Variants in FAM171A2 observed in about 807,000 individuals in gnomAD.
FAM171A2 encodes the protein family with sequence similarity 171 member A2, also known as protein FAM171A2.
A neutral mutation model predicts 34.2 loss-of-function variants in FAM171A2; 13 were observed. The ratio of observed to expected loss-of-function variants is 0.38; its 90% CI spans 0.25 to 0.60. The LOEUF (loss-of-function observed/expected upper bound fraction) is 0.60, where lower values mean the gene tolerates loss of function less well. Ranked by LOEUF, FAM171A2 falls within the 20% of genes least tolerant of loss-of-function variation. FAM171A2 has a pLI of 0.62. For missense variants in FAM171A2, 950 were observed against 1,180.7 expected (o/e 0.80, Z 2.86); for synonymous variants, 475 against 561.2 (o/e 0.85, Z 2.17).
Position 44,353,635 on chromosome 17 carries a change from G to A in FAM171A2, c.*98C>T. 2 of 969,710 alleles carry A rather than the reference G, an allele frequency of 2.1e-6. No homozygotes were observed. The highest frequency in any genetic ancestry group is 4.9e-5 in the South Asian group (1 of 20,332). 60.1% of individuals were successfully genotyped at this position (969,710 alleles called of 1,614,324 possible). A position where few individuals can be genotyped will look rare whatever the true frequency, so the allele number is the denominator to read the frequency against. ...GCCCCTGGGCCCCTCTCCGGCCTGG[G>A]GCTGGGAGCTACGCGCGAGGGCCCC... On this transcript the variant is annotated 3_prime_UTR_variant, in exon 8 of 8. Transcript: ENST00000293443.
In FAM171A2 at chr17:44,359,918, A is replaced by C; in HGVS notation, c.333T>G (p.Val111=). 1 of 1,539,922 alleles carries C rather than the reference A, an allele frequency of 6.5e-7. No homozygotes were observed. The highest frequency in any genetic ancestry group is 8.8e-7 in the Non-Finnish European group (1 of 1,139,654). ...GFLTNSVPWR[V]DKLPLYASVS... is the part of the protein sequence containing the mutation. The stretch of plus-strand genomic sequence containing the variant: ...CCCTGCACTCACAGGGCAGCTTGTC[A>C]ACACGCCAGGGCACAGAGTTGGTGA... Residue 111 remains valine (V), a synonymous_variant, in exon 2 of 8, where the codon GTT becomes GTG. Coordinates refer to ENST00000293443, the MANE Select transcript of FAM171A2 (RefSeq NM_198475.3).
chr17:44,355,668 G>C lies in FAM171A2; in HGVS notation c.1022+47C>G. The C allele has an allele frequency of 6.5e-7, 1 of 1,548,806 alleles. No individual in the cohort carries two copies. The highest frequency in any genetic ancestry group is 8.7e-7 in the Non-Finnish European group (1 of 1,145,324). On this transcript the variant is annotated intron_variant, in intron 7 of 7. Transcript: ENST00000293443. This position sits in a 1 kb window ranked among gnomAD's most constrained non-coding sequence, Gnocchi z 4.1. ...GATTTTATGCATCTTTGGGGCCCCA[G>C]GGCCCGGTACAAGTGCAGGGGAGGG...
At chr17:44,357,730 C>CATGTGTGTGTGTGTGTGTGTGT (rs142224027) in intron 3 of FAM171A2, among the ~76,000 whole-genome samples, 4 of 143,268 alleles carry the variant, frequency 2.8e-5, no homozygotes, top group African/African-American at 1.1e-4. Flanking sequence ...CAGTTTAGGT[C>CATGTGTGTGTGTGTGTGTGTGT]GTGTGTGTGT....
In FAM171A2 at chr17:44,354,718, A is replaced by G; in HGVS notation, c.1496T>C (p.Leu499Pro). ...GAAEGKTPDFLLSQSVDQLAR... is the reference protein window; with the variant it reads ...GAAEGKTPDFPLSQSVDQLAR... ...CAGCTGGTCCACCGACTGCGACAGC[A>G]GGAAGTCGGGGGTCTTGCCCTCGGC... is the stretch of plus-strand genomic sequence containing the variant. The change falls in exon 8 of 8, where the codon CTG becomes CCG. Residue 499 changes from leucine (L) to proline (P), a missense_variant. Leu to Pro is a moderately conservative substitution (Grantham distance 98). Around this residue, in one of 3 missense-constraint regions of FAM171A2, gnomAD observed 752 missense variants for 924.5 expected, o/e 0.81. Transcript: ENST00000293443. The surrounding 1 kb of genome is among the most constrained non-coding windows in gnomAD (Gnocchi z 5.8). 7.5e-7 allele frequency: 1 copy of G among 1,339,206 alleles called. No homozygotes were observed. The highest frequency in any genetic ancestry group is 9.6e-7 in the Non-Finnish European group (1 of 1,043,318). The allele number at this position is 1,339,206 out of a possible 1,614,324, so 83.0% of individuals were successfully genotyped here.
chr17:44,359,622 G>A lies in FAM171A2; in HGVS notation c.396C>T (p.Leu132=). The change falls in exon 3 of 8, where the codon CTC becomes CTT. Residue 132 remains leucine, a synonymous_variant. Transcript: ENST00000293443. ...TGTGCACCAGGTCCTCATAGAGGAT[G>A]AGCGTGGCCGGCCGCTCAGGGAGCA... ...LYLLPERPAT[L]ILYEDLVHIL... The A allele has an allele frequency of 2.6e-6, 4 of 1,551,164 alleles. No homozygotes were observed. Among genetic ancestry groups the A allele is most frequent in the Non-Finnish European group, 3.5e-6 (4 of 1,146,936 alleles).
chr17:44,355,936 C>T lies in FAM171A2; in HGVS notation c.895+22G>A. The T allele has an allele frequency of 6.5e-7, 1 of 1,540,094 alleles. No homozygotes were observed. The highest frequency in any genetic ancestry group is 8.8e-7 in the Non-Finnish European group (1 of 1,140,088). On this transcript the variant is annotated intron_variant, in intron 6 of 7. Transcript: ENST00000293443. This position sits in a 1 kb window ranked among gnomAD's most constrained non-coding sequence, Gnocchi z 4.1. ...GCTCCCCTCCTCCGCGGCCTCTACG[C>T]CCACTGCCCCACTACTCTTACCAGC... is the stretch of plus-strand genomic sequence containing the variant.
chr17:44,359,776 C>T (rs1598370148), intron 2 of FAM171A2, 105 bp from the exon 3 acceptor site: 1 of 1,347,296 alleles, frequency 7.4e-7, no homozygotes, highest in Non-Finnish European at 1.0e-6. Context: ...CCTCAGCCCC[C>T]TCTGTGTACC....
Position 44,354,787 on chromosome 17 carries a change from G to A in FAM171A2, c.1427C>T (p.Ser476Leu). Residue 476 changes from serine (S) to leucine (L), a missense_variant, in exon 8 of 8, where the codon TCG (serine) becomes TTG (leucine). This residue lies in a region of FAM171A2 where 752 missense variants were observed against 924.5 expected (regional missense o/e 0.81). Transcript: ENST00000293443. The surrounding 1 kb of genome is among the most constrained non-coding windows in gnomAD (Gnocchi z 5.8). Reference protein sequence around the residue: ...GAAAFLHEPPSPPPPFDHYLG... With the variant: ...GAAAFLHEPPLPPPPFDHYLG... ...GTAGTGGTCGAAGGGCGGCGGCGGC[G>A]AGGGCGGCTCGTGCAGGAAGGCCGC... 7.7e-7 allele frequency: 1 copy of A among 1,297,492 alleles called. No individual in the cohort carries two copies. 80.4% of individuals were successfully genotyped at this position (1,297,492 alleles called of 1,614,324 possible).
At position 44,355,602 on chromosome 17, in the gene FAM171A2, C is replaced by A; in HGVS notation, c.1022+113G>T. 7.1e-7 allele frequency: 1 copy of A among 1,415,034 alleles called. No individual in the cohort carries two copies. Among genetic ancestry groups the A allele is most frequent in the Non-Finnish European group, 9.5e-7 (1 of 1,047,440 alleles). 87.7% of individuals were successfully genotyped at this position (1,415,034 alleles called of 1,614,324 possible). The stretch of plus-strand genomic sequence containing the variant: ...AGCCCTTCAGGTCTTAGCATGTTTG[C>A]AGGAAGTCTTTTCCTGTCTGCCCCT... On this transcript the variant is annotated intron_variant, in intron 7 of 7. Transcript: ENST00000293443. The surrounding 1 kb of genome is among the most constrained non-coding windows in gnomAD (Gnocchi z 4.1).
Position 44,355,788 on chromosome 17 carries a change from A to T in FAM171A2, c.949T>A (p.Phe317Ile). ...IQDIGTYHTI[F>I]LLTILAALAL... ...AGGGCTGCCAGGATGGTGAGCAAGA[A>T]GATGGTGTGGTAGGTGCCGATGTCC... Residue 317 changes from phenylalanine to isoleucine, a missense_variant, in exon 7 of 8, where the codon TTC becomes ATC. Transcript: ENST00000293443. The surrounding 1 kb of genome is among the most constrained non-coding windows in gnomAD (Gnocchi z 4.1). 1.9e-6 allele frequency: 3 copies of T among 1,551,908 alleles called. No homozygotes were observed. Among genetic ancestry groups the T allele is most frequent in the Non-Finnish European group, 2.6e-6 (3 of 1,147,056 alleles).
intron 1 of FAM171A2, among the ~76,000 whole-genome samples, chr17:44,360,383 C>T (rs1266130793): frequency 6.6e-6 from 1 of 152,248 alleles, no homozygotes; most frequent in Non-Finnish European, 1.5e-5. Context: ...CAATTCTAAA[C>T]TCGGGCTATG....
chr17:44,362,862 C>T (rs2048453543), intron 1 of FAM171A2, among the ~76,000 whole-genome samples: 1 of 152,234 alleles, frequency 6.6e-6, no homozygotes, highest in African/African-American at 2.4e-5. Flanking sequence ...GCCGGCACTG[C>T]CCACAGCCAG....
At chr17:44,357,003 A>G (rs1295478249) in intron 3 of FAM171A2, among the ~76,000 whole-genome samples, 1 of 152,126 alleles carries the variant, frequency 6.6e-6, no homozygotes, top group Non-Finnish European at 1.5e-5. Context: ...AAGCATTTGA[A>G]ATGTGGCTAG....
Position 44,354,810 on chromosome 17 carries a change from C to A in FAM171A2, c.1404G>T (p.Ala468=). The A allele has an allele frequency of 2.3e-6, 3 of 1,286,058 alleles. No homozygotes were observed. The highest frequency in any genetic ancestry group is 2.9e-6 in the Non-Finnish European group (3 of 1,017,452). The allele number at this position is 1,286,058 out of a possible 1,614,324, so 79.7% of individuals were successfully genotyped here. The change falls in exon 8 of 8, where the codon GCG becomes GCT. Residue 468 remains alanine (A), a synonymous_variant. Transcript: ENST00000293443. The surrounding 1 kb of genome is among the most constrained non-coding windows in gnomAD (Gnocchi z 5.8). ...GCGAGGGCGGCTCGTGCAGGAAGGC[C>A]GCAGCCCCCGAGGGCCCCCGCCGGT... ...EEHRRGPSGA[A]AFLHEPPSPP... is the part of the protein sequence containing the mutation.
At chr17:44,362,844 C>T (rs2048453468) in intron 1 of FAM171A2, among the ~76,000 whole-genome samples, 1 of 152,166 alleles carries the variant, frequency 6.6e-6, no homozygotes, top group Admixed American at 6.5e-5. Flanking sequence ...CAGGCACCTG[C>T]CCTCCCAGCC....
rs970389398 is a variant in FAM171A2 at position 44,355,512 on chromosome 17, C to G, written c.1022+203G>C. Among the ~76,000 whole-genome samples, 2 of 152,180 alleles carry G rather than the reference C, an allele frequency of 1.3e-5. No homozygotes were observed. The highest frequency in any genetic ancestry group is 2.4e-5 in the African/African-American group (1 of 41,430). ...CAGTGGCAGATCTCTCTGGAGGGGC[C>G]GGGCTGCAAGTCCTTAAGCCCTGCC... On this transcript the variant is annotated intron_variant, in intron 7 of 7. Coordinates refer to ENST00000293443, the MANE Select transcript of FAM171A2 (RefSeq NM_198475.3). The surrounding 1 kb of genome is among the most constrained non-coding windows in gnomAD (Gnocchi z 4.1).
At chr17:44,358,490 C>T (rs2048434740) in intron 3 of FAM171A2, among the ~76,000 whole-genome samples, 1 of 151,886 alleles carries the variant, frequency 6.6e-6, no homozygotes, top group South Asian at 2.1e-4. Flanking sequence ...GTCAGGAGTT[C>T]GAGACTAGCC....
In FAM171A2 at chr17:44,354,392, G is replaced by A. The variant is rs1468077016; in HGVS notation, c.1822C>T (p.Arg608Cys). 5 of 1,266,246 alleles carry A rather than the reference G, an allele frequency of 3.9e-6. No homozygotes were observed. Among genetic ancestry groups the A allele is most frequent in the South Asian group, 2.2e-5 (1 of 44,546 alleles). The allele number at this position is 1,266,246 out of a possible 1,614,324, so 78.4% of individuals were successfully genotyped here. Reference sequence around the variant, plus strand: ...ACTGAGCCACTGACGGGCGCCGCGCGCCCGGCCCCCCAGCCCTCGCCGCCG... The same window carrying A: ...ACTGAGCCACTGACGGGCGCCGCGCACCCGGCCCCCCAGCCCTCGCCGCCG... ...GGGGEGWGAG[R>C]AAPVSGSVTI... The change falls in exon 8 of 8, where the codon CGC becomes TGC. Residue 608 changes from arginine (R) to cysteine (C), a missense_variant. By Grantham distance (180) the Arg-to-Cys change is radical (BLOSUM62 -3). Around this residue, in one of 3 missense-constraint regions of FAM171A2, gnomAD observed 752 missense variants for 924.5 expected, o/e 0.81. Transcript: ENST00000293443. This position sits in a 1 kb window ranked among gnomAD's most constrained non-coding sequence, Gnocchi z 5.8.
In FAM171A2 at chr17:44,356,042, G is replaced by A. The variant is rs2048421669; in HGVS notation, c.811C>T (p.Arg271Trp). The stretch of plus-strand genomic sequence containing the variant: ...CAGTAGAGCTGCCGGCCTTCCTTCC[G>A]GATTACACCAGTGCCATTGCGCACC... Reference protein sequence around the residue: ...LWVRNGTGVIRKEGRQLYWTF... With the variant: ...LWVRNGTGVIWKEGRQLYWTF... Residue 271 changes from arginine (R) to tryptophan (W), a missense_variant, in exon 6 of 8, where the codon CGG becomes TGG. By Grantham distance (101) the Arg-to-Trp change is moderately radical. Transcript: ENST00000293443. The A allele has an allele frequency of 6.5e-7, 1 of 1,547,964 alleles. No homozygotes were observed. Among genetic ancestry groups the A allele is most frequent in the East Asian group, 2.4e-5 (1 of 40,876 alleles).
Sources: allele counts gnomAD v4.1 joint callset (sites outside exome capture counted in the v4.1 genomes callset), GRCh38; gene constraint gnomAD v4.1.1; regional missense constraint gnomAD v4.1.1; non-coding constraint Gnocchi (gnomAD v3.1); transcripts MANE v1.5; gene names NCBI Gene and HGNC (gene_info 2026-07-23, HGNC 2026-07-21).